RABGAP1L: variants seen among roughly 807,000 people sequenced by gnomAD.
RABGAP1L encodes RAB GTPase activating protein 1 like.
RABGAP1L carries 63 observed loss-of-function variants against 137.7 expected under a neutral mutation model. The observed-to-expected ratio is 0.46, with a 90% CI of 0.37 to 0.56. RABGAP1L has a LOEUF of 0.56. Among genes scored for constraint, RABGAP1L ranks in the 20% least tolerant of loss-of-function variants. RABGAP1L has a pLI of 0.00. For synonymous variants in RABGAP1L, 431 were observed against 433.7 expected (o/e 0.99, Z 0.08); for missense variants, 1,095 against 1,244.0 (o/e 0.88, Z 1.80).
intron 9 of RABGAP1L, among the ~76,000 whole-genome samples, 159 bp downstream of exon 9, chr1:174,276,094 A>C (rs939363656): frequency 7.2e-5 from 11 of 152,120 alleles, no homozygotes; most frequent in African/African-American, 2.7e-4. Flanking sequence ...CTATGGGGGA[A>C]ATCTCCACTA....
intron 15 of RABGAP1L, among the ~76,000 whole-genome samples, chr1:174,689,093 T>C (rs1417505134): frequency 6.6e-6 from 1 of 152,080 alleles, no homozygotes; most frequent in Non-Finnish European, 1.5e-5. Flanking sequence ...TAAGTTTTTT[T>C]AGTTTATAAT....
chr1:174,611,809 C>T lies in RABGAP1L; in HGVS notation c.1711-25566C>T, dbSNP rs796667581. ...TTGGATTCCCAGGTATTTTATTCTC[C>T]TTGAAGCAATTGTGAATGGGAGTTC... On this transcript the variant is annotated intron_variant, in intron 13 of 25. Coordinates refer to ENST00000681986, the MANE Select transcript of RABGAP1L (RefSeq NM_001366446.1). Among the ~76,000 whole-genome samples the T allele has an allele frequency of 2.7e-4, 41 of 152,086 alleles. No individual in the cohort carries two copies. In the South Asian group the frequency reaches 7.7e-3, roughly 28 times the overall value.
At chr1:174,388,866 A>G (rs935476983) in intron 12 of RABGAP1L, among the ~76,000 whole-genome samples, 5 of 152,106 alleles carry the variant, frequency 3.3e-5, no homozygotes, top group African/African-American at 7.2e-5. Context: ...CAAATCGGTC[A>G]TTCTTTTTTA....
Position 174,199,671 on chromosome 1 carries a change from C to T in RABGAP1L, c.-33-19454C>T, listed in dbSNP as rs191078419. Among the ~76,000 whole-genome samples, 373 of 152,254 alleles carry T rather than the reference C, an allele frequency of 2.4e-3. 1 individual carries two copies. The highest frequency in any genetic ancestry group is 3.4e-3 in the Middle Eastern group (1 of 294). On this transcript the variant is annotated intron_variant, in intron 1 of 25. Coordinates refer to ENST00000681986, the MANE Select transcript of RABGAP1L (RefSeq NM_001366446.1). ...TTCATTATTTCCTTAATAGTGGATT[C>T]CTTCATGATTGTGAGAGCCAATTCA...
In RABGAP1L at chr1:174,280,018, G is replaced by C. The variant is rs182814179; in HGVS notation, c.1323+1239G>C. The stretch of plus-strand genomic sequence containing the variant: ...CTGAGAAAATGTTAGGTTTTTCCCA[G>C]TTCTAGTACTTTTGACTGTCTGTCT... On this transcript the variant is annotated intron_variant, in intron 10 of 25. Transcript: ENST00000681986. 2.7e-5 allele frequency among the ~76,000 whole-genome samples: 4 copies of C among 147,072 alleles called. No homozygotes were observed. In the East Asian group the frequency reaches 8.3e-4, roughly 30 times the overall value.
At chr1:174,411,824 G>T (rs936096603) in intron 13 of RABGAP1L, among the ~76,000 whole-genome samples, 9 of 152,006 alleles carry the variant, frequency 5.9e-5, no homozygotes, top group South Asian at 2.1e-4. Flanking sequence ...ATTTCTATTT[G>T]TATTCCACTG....
chr1:174,643,919 GTGTGTGTGT>G (rs1674732257), intron 14 of RABGAP1L, among the ~76,000 whole-genome samples: 1 of 127,642 alleles, frequency 7.8e-6, no homozygotes, highest in African/African-American at 3.9e-5. Context: ...ATATAGGGGT[GTGTGTGTGT>G]GTGTGTGTGT....
At chr1:174,688,878 A>G (rs1678664108) in intron 15 of RABGAP1L, among the ~76,000 whole-genome samples, 1 of 152,162 alleles carries the variant, frequency 6.6e-6, no homozygotes, top group East Asian at 1.9e-4. Flanking sequence ...AAGTTCAATA[A>G]CAAGCAAAAC....
intron 13 of RABGAP1L, among the ~76,000 whole-genome samples, chr1:174,483,484 C>A (rs1287925099): frequency 6.6e-6 from 1 of 152,176 alleles, no homozygotes; most frequent in South Asian, 2.1e-4. Context: ...TTTTTTATGG[C>A]TGAATAGTAC....
At chr1:174,919,279 A>G (rs1661427158) in intron 19 of RABGAP1L, among the ~76,000 whole-genome samples, 1 of 152,044 alleles carries the variant, frequency 6.6e-6, no homozygotes, top group Non-Finnish European at 1.5e-5. Flanking sequence ...TGACCTCCCA[A>G]AGTGCTGGGA....
chr1:174,536,313 T>G (rs182573705), intron 13 of RABGAP1L, among the ~76,000 whole-genome samples: 29 of 152,164 alleles, frequency 1.9e-4, no homozygotes, highest in Non-Finnish European at 1.0e-4. Context: ...AAAGCAATTT[T>G]AACTTTCTGA....
chr1:174,693,321 C>T (rs55688014), intron 15 of RABGAP1L, among the ~76,000 whole-genome samples: 32,262 of 152,098 alleles, frequency 0.21, 3,746 homozygotes, highest in Admixed American at 0.25. Flanking sequence ...CAGCTTTTGA[C>T]GGCCAATTGT....
chr1:174,747,618 A>T (rs766787307), intron 17 of RABGAP1L, among the ~76,000 whole-genome samples: 1 of 152,088 alleles, frequency 6.6e-6, no homozygotes, highest in Admixed American at 6.6e-5. Flanking sequence ...TGTTTAAAGA[A>T]TTTACATACA....
At chr1:174,787,532 G>A (rs763375209) in intron 18 of RABGAP1L, among the ~76,000 whole-genome samples, 3 of 152,058 alleles carry the variant, frequency 2.0e-5, no homozygotes, top group Non-Finnish European at 2.9e-5. Flanking sequence ...TTTTTAAAAA[G>A]CATATTTGGG....
intron 18 of RABGAP1L, among the ~76,000 whole-genome samples, chr1:174,782,493 A>G (rs1385910429): frequency 1.3e-5 from 2 of 152,174 alleles, no homozygotes; most frequent in Non-Finnish European, 2.9e-5. Flanking sequence ...TTCTAGATAT[A>G]CAGTCATGTC....
chr1:174,702,181 GTGGTTTCTCACTCTTTTTAC>G lies in RABGAP1L; in HGVS notation c.2097_2116del (p.Trp699CysfsTer13). 1 of 1,612,358 alleles carries G rather than the reference GTGGTTTCTCACTCTTTTTAC, an allele frequency of 6.2e-7. No individual in the cohort carries two copies. The highest frequency in any genetic ancestry group is 8.5e-7 in the Non-Finnish European group (1 of 1,178,950). ...TGGAAGCTCATATGTATGCATCCCA[GTGGTTTCTCACTCTTTTTAC>G]TGCCAAGTTCCCACTCTGCATGGTG... On this transcript the variant is annotated frameshift_variant, in exon 17 of 26. Coordinates refer to ENST00000681986, the MANE Select transcript of RABGAP1L (RefSeq NM_001366446.1). LOFTEE classifies it high-confidence loss of function.
At chr1:174,735,158 G>A (rs1480242450) in intron 17 of RABGAP1L, among the ~76,000 whole-genome samples, 1 of 151,362 alleles carries the variant, frequency 6.6e-6, no homozygotes, top group East Asian at 1.9e-4. Context: ...TTGTTTTTTG[G>A]TAGAGACAGG....
At chr1:174,654,625 A>G (rs914416282) in intron 14 of RABGAP1L, among the ~76,000 whole-genome samples, 3 of 151,916 alleles carry the variant, frequency 2.0e-5, no homozygotes, top group African/African-American at 7.3e-5. Context: ...GGACATTACA[A>G]TTTTTTTAAA....
At chr1:174,970,497 G>A (rs1169979023) in intron 21 of RABGAP1L, among the ~76,000 whole-genome samples, 1 of 152,162 alleles carries the variant, frequency 6.6e-6, no homozygotes, top group Non-Finnish European at 1.5e-5. Context: ...AAGTTGTTTG[G>A]CAAATGTAGT....
Sources: allele counts gnomAD v4.1 joint callset (sites outside exome capture counted in the v4.1 genomes callset), GRCh38; gene constraint gnomAD v4.1.1; transcripts MANE v1.5; gene names NCBI Gene and HGNC (gene_info 2026-07-23, HGNC 2026-07-21).